Variants in PLCB1 observed in about 807,000 individuals in gnomAD.
PLCB1 encodes phospholipase C beta 1, also known as 1-phosphatidylinositol 4,5-bisphosphate phosphodiesterase beta-1.
A neutral mutation model predicts 161.8 loss-of-function variants in PLCB1; 46 were observed. The ratio of observed to expected loss-of-function variants is 0.28; its 90% confidence interval spans 0.22 to 0.36. The LOEUF (loss-of-function observed/expected upper bound fraction) is 0.36. PLCB1 is among the 10% of genes least tolerant of loss of function. The pLI is 1.00. For missense variants in PLCB1, 1,016 were observed against 1,472.5 expected, an observed-to-expected ratio of 0.69 and a Z score of 5.07; for synonymous variants, 517 against 503.7, an observed-to-expected ratio of 1.03 and a Z score of -0.35.
At chr20:8,445,223 A>G (rs1980765550) in intron 3 of PLCB1, among the ~76,000 whole-genome samples, 1 of 152,130 alleles carries the variant, frequency 6.6e-6, no homozygotes. Flanking sequence ...TGATTTTTGT[A>G]TAAGTTGTAA....
intron 2 of PLCB1, among the ~76,000 whole-genome samples, chr20:8,361,754 T>G (rs1377839549): frequency 6.6e-6 from 1 of 152,194 alleles, no homozygotes; most frequent in African/African-American, 2.4e-5. Context: ...AAACCAGAGA[T>G]AACATTTTAG....
chr20:8,658,095 C>G (rs1440885299), intron 8 of PLCB1, among the ~76,000 whole-genome samples: 1 of 152,062 alleles, frequency 6.6e-6, no homozygotes, highest in Non-Finnish European at 1.5e-5. Flanking sequence ...TTGTTGAAGC[C>G]TAACTGTAAC....
intron 2 of PLCB1, among the ~76,000 whole-genome samples, chr20:8,188,270 C>T (rs1157596719): frequency 1.3e-5 from 2 of 152,116 alleles, no homozygotes; most frequent in East Asian, 3.9e-4. Context: ...GTACTGTCCA[C>T]TAACATTCCT....
chr20:8,366,696 G>A (rs1244476245), intron 2 of PLCB1, among the ~76,000 whole-genome samples: 2 of 152,144 alleles, frequency 1.3e-5, no homozygotes, highest in African/African-American at 2.4e-5. Flanking sequence ...TGCATCTGAG[G>A]TCCTAAGAGT....
At chr20:8,718,876 G>A (rs940996567) in intron 14 of PLCB1, among the ~76,000 whole-genome samples, 1 of 152,174 alleles carries the variant, frequency 6.6e-6, no homozygotes, top group African/African-American at 2.4e-5. Flanking sequence ...ATATGCTGAA[G>A]AGTTCTGGGC....
intron 2 of PLCB1, among the ~76,000 whole-genome samples, chr20:8,338,177 T>C (rs1600325897): frequency 6.6e-6 from 1 of 152,246 alleles, no homozygotes; most frequent in African/African-American, 2.4e-5. Context: ...TATTAAATTT[T>C]AATAATATGT....
chr20:8,518,349 A>G (rs942236717), intron 3 of PLCB1, among the ~76,000 whole-genome samples: 3 of 152,070 alleles, frequency 2.0e-5, no homozygotes, highest in African/African-American at 4.8e-5. Context: ...CAGCAATACT[A>G]TATGTTTAGA....
At chr20:8,495,929 T>C (rs544469268) in intron 3 of PLCB1, among the ~76,000 whole-genome samples, 6 of 152,266 alleles carry the variant, frequency 3.9e-5, no homozygotes, top group African/African-American at 1.4e-4. Flanking sequence ...CAACTGATGT[T>C]CCCGTGGCTT....
rs190513425 is a variant in PLCB1, at chr20:8,432,292, C to T, written c.246+60842C>T. Among the ~76,000 whole-genome samples, 433 of 152,280 alleles carry T rather than the reference C, an allele frequency of 2.8e-3. 4 individuals carry two copies. The highest frequency in any genetic ancestry group is 9.9e-3 in the African/African-American group (412 of 41,560). ...GGAATAGGAGGGGCCAGGCTTCCCCCGCTGCAAACAGCACCAACTCCCGTG... is the reference window on the plus strand; with the variant it reads ...GGAATAGGAGGGGCCAGGCTTCCCCTGCTGCAAACAGCACCAACTCCCGTG... On this transcript the variant is annotated intron_variant, in intron 3 of 31. Coordinates refer to ENST00000338037, the MANE Select transcript of PLCB1 (RefSeq NM_015192.4).
At chr20:8,673,263 C>A (rs1158274376) in intron 9 of PLCB1, among the ~76,000 whole-genome samples, 1 of 152,174 alleles carries the variant, frequency 6.6e-6, no homozygotes, top group Non-Finnish European at 1.5e-5. Context: ...AATTCGGAAG[C>A]TAAGAAGAGA....
At chr20:8,432,230 G>A (rs1227970817) in intron 3 of PLCB1, among the ~76,000 whole-genome samples, 2 of 152,120 alleles carry the variant, frequency 1.3e-5, no homozygotes, top group Admixed American at 1.3e-4. Flanking sequence ...CTGCTACAGC[G>A]CTTCCTGCCT....
At position 8,549,862 on chromosome 20, in the gene PLCB1, A is replaced by C. The variant is rs6077377; in HGVS notation, c.247-78432A>C. 1.3e-5 allele frequency among the ~76,000 whole-genome samples: 2 copies of C among 152,090 alleles called. 1 individual carries two copies. Among genetic ancestry groups the C allele is most frequent in the South Asian group, 4.2e-4 (2 of 4,816 alleles). ...GCTGAGATTACAGGCATGAGCCACC[A>C]CACCCGCGGAGATCTGATGGTTTTA... On this transcript the variant is annotated intron_variant, in intron 3 of 31. Transcript: ENST00000338037.
intron 26 of PLCB1, among the ~76,000 whole-genome samples, chr20:8,767,872 T>C (rs1481353249): frequency 1.3e-5 from 2 of 152,316 alleles, no homozygotes; most frequent in African/African-American, 2.4e-5. Context: ...CTCACAGTTT[T>C]GGAGGCTAGG....
chr20:8,254,282 A>T (rs1469772569), intron 2 of PLCB1, among the ~76,000 whole-genome samples: 1 of 151,968 alleles, frequency 6.6e-6, no homozygotes, highest in Non-Finnish European at 1.5e-5. Flanking sequence ...AAACCTCTTT[A>T]AATTGTGTAC....
intron 2 of PLCB1, among the ~76,000 whole-genome samples, chr20:8,314,605 A>G (rs1021757329): frequency 6.6e-6 from 1 of 152,232 alleles, no homozygotes; most frequent in Non-Finnish European, 1.5e-5. Context: ...GGTTGTTTTG[A>G]GGACTTAATG....
At chr20:8,724,875 A>G (rs1264343809) in intron 16 of PLCB1, 123 bp downstream of exon 16, 1 of 612,286 alleles carries the variant, frequency 1.6e-6, no homozygotes, top group African/African-American at 1.9e-5. Flanking sequence ...AGTCTTAAAT[A>G]TATGTACATT....
rs374812306 is a variant in PLCB1 at position 8,338,329 on chromosome 20, AC to A, written c.178-33050del. ...TGTGGGAATATATTCCGCCAGTGGA[AC>A]CCAGCATTATAATTATTTTGTTAAC... On this transcript the variant is annotated intron_variant, in intron 2 of 31. Transcript: ENST00000338037. Among the ~76,000 whole-genome samples, 520 of 152,282 alleles carry A rather than the reference AC, an allele frequency of 3.4e-3. 3 individuals are homozygous for A. The highest frequency in any genetic ancestry group is 0.012 in the African/African-American group (484 of 41,540).
At chr20:8,817,453 C>A (rs1445241087) in intron 31 of PLCB1, among the ~76,000 whole-genome samples, 1 of 152,054 alleles carries the variant, frequency 6.6e-6, no homozygotes, top group Non-Finnish European at 1.5e-5. Context: ...CTGAATTCAC[C>A]CCACCTGACA....
intron 4 of PLCB1, among the ~76,000 whole-genome samples, chr20:8,634,646 T>C (rs1010356340): frequency 2.0e-5 from 3 of 152,238 alleles, no homozygotes; most frequent in African/African-American, 7.2e-5. Flanking sequence ...AGAATGGCCT[T>C]TTAAAACAAC....
Sources: allele counts gnomAD v4.1 joint callset (sites outside exome capture counted in the v4.1 genomes callset), GRCh38; gene constraint gnomAD v4.1.1; transcripts MANE v1.5; gene names NCBI Gene and HGNC (gene_info 2026-07-23, HGNC 2026-07-21).